The following ZNF701 variants were observed in gnomAD, a reference collection of about 807,000 sequenced individuals.
The protein encoded by ZNF701 is zinc finger protein 701.
In ZNF701, 6 loss-of-function variants were observed where a neutral mutation model predicts 7.1. The ratio of observed to expected loss-of-function variants is 0.84; its 90% CI spans 0.46 to 1.66. ZNF701 has a LOEUF of 1.66. Among genes scored for constraint, ZNF701 ranks in the 40% most tolerant of loss-of-function variants. ZNF701 has a pLI of 0.01. For missense variants in ZNF701, 541 were observed against 559.2 expected (o/e 0.97, Z 0.33); for synonymous variants, 166 against 188.2 (o/e 0.88, Z 0.97).
chr19:52,597,168 C>G, the ZNF701 span: 2,475 of 604,956 alleles, frequency 4.1e-3, 49 homozygotes, highest in African/African-American at 0.04. Flanking sequence ...TGGAGAGAAA[C>G]CTTACAAATA....
chr19:52,583,050 T>A lies in ZNF701; in HGVS notation c.991T>A (p.Cys331Ser), dbSNP rs781689324. 1 of 1,613,674 alleles carries A rather than the reference T, an allele frequency of 6.2e-7. No homozygotes were observed. The highest frequency in any genetic ancestry group is 8.5e-7 in the Non-Finnish European group (1 of 1,179,938). The change falls in exon 4 of 4, where the codon TGT becomes AGT. Residue 331 changes from cysteine (C) to serine (S), a missense_variant. Transcript: ENST00000391785. ...AGAGAAACCTTACAAATGTGAAGAA[T>A]GTGACAAAGTTTTCAGTCGCAAATC... ...TGEKPYKCEE[C>S]DKVFSRKSHL...
rs2059981188 is a variant in ZNF701 at position 52,582,411 on chromosome 19, A to C, written c.352A>C (p.Lys118Gln). Residue 118 changes from lysine (K) to glutamine (Q), a missense_variant, in exon 4 of 4, where the codon AAG becomes CAG. Coordinates refer to ENST00000391785, the MANE Select transcript of ZNF701 (RefSeq NM_018260.3). ...TGAAGCACTCATGACAAAAACCAAA[A>C]AGTTGATGAGTAGTACAGAGCGACA... ...GHEALMTKTK[K>Q]LMSSTERHDQ... is the part of the protein sequence containing the mutation. 6.2e-7 allele frequency: 1 copy of C among 1,613,264 alleles called. No individual in the cohort carries two copies. The highest frequency in any genetic ancestry group is 8.5e-7 in the Non-Finnish European group (1 of 1,179,544).
At position 52,575,126 on chromosome 19, in the gene ZNF701, C is replaced by A. The variant is rs138484363; in HGVS notation, c.16-769C>A. 7.0e-3 allele frequency among the ~76,000 whole-genome samples: 1,072 copies of A among 152,194 alleles called. 19 individuals are homozygous for A. Among genetic ancestry groups the A allele is most frequent in the African/African-American group, 0.025 (1,022 of 41,520 alleles). ...CTGGGACTACAGGCACCCCCCACCACGCCCGGATAATTTTTGTATTTTTTA... is the reference window on the plus strand; with the variant it reads ...CTGGGACTACAGGCACCCCCCACCAAGCCCGGATAATTTTTGTATTTTTTA... On this transcript the variant is annotated intron_variant, in intron 2 of 3. Coordinates refer to ENST00000391785, the MANE Select transcript of ZNF701 (RefSeq NM_018260.3).
intron 1 of ZNF701, chr19:52,570,903 C>T (rs2059893434): frequency 6.6e-6 from 1 of 152,642 alleles, no homozygotes; most frequent in Non-Finnish European, 1.5e-5. Flanking sequence ...TCTTGCCTGC[C>T]TAGCTCCAAC....
In ZNF701 at chr19:52,583,252, T is replaced by G; in HGVS notation, c.1193T>G (p.Val398Gly). Residue 398 changes from valine to glycine, a missense_variant, in exon 4 of 4, where the codon GTA becomes GGA. Val to Gly is a moderately radical substitution (Grantham distance 109). Coordinates refer to ENST00000391785, the MANE Select transcript of ZNF701 (RefSeq NM_018260.3). ...ACCTTTGTTCAAAATTCATCTCTTG[T>G]AATGCATAAGGTCATTCATACTGGA... ...GKTFVQNSSLVMHKVIHTGEK... is the reference protein window; with the variant it reads ...GKTFVQNSSLGMHKVIHTGEK... 1 of 1,610,080 alleles carries G rather than the reference T, an allele frequency of 6.2e-7. No individual in the cohort carries two copies. The highest frequency in any genetic ancestry group is 8.5e-7 in the Non-Finnish European group (1 of 1,177,066).
At chr19:52,596,068 T>G in the ZNF701 span, 1 of 1,261,852 alleles carries the variant, frequency 7.9e-7, no homozygotes, top group African/African-American at 1.5e-5. Context: ...TCCTCTATTC[T>G]TCATTATTCA....
the ZNF701 span, among the ~76,000 whole-genome samples, chr19:52,593,275 G>A: frequency 2.5e-5 from 3 of 118,086 alleles, 1 homozygote; most frequent in Non-Finnish European, 5.5e-5. Flanking sequence ...ATCATGGCCC[G>A]TTCTCAATGA....
chr19:52,583,099 T>C lies in ZNF701; in HGVS notation c.1040T>C (p.Ile347Thr). 6.2e-7 allele frequency: 1 copy of C among 1,613,690 alleles called. No homozygotes were observed. The highest frequency in any genetic ancestry group is 1.7e-4 in the Middle Eastern group (1 of 6,054). ...RKSHLERHRRIHTGEKPYKCK... is the reference protein window; with the variant it reads ...RKSHLERHRRTHTGEKPYKCK... ...TCACACCTTGAAAGACATAGGAGAA[T>C]TCACACTGGAGAGAAACCATACAAA... Residue 347 changes from isoleucine (I) to threonine (T), a missense_variant, in exon 4 of 4, where the codon ATT (isoleucine) becomes ACT (threonine). Coordinates refer to ENST00000391785, the MANE Select transcript of ZNF701 (RefSeq NM_018260.3).
downstream of ZNF701, among the ~76,000 whole-genome samples, chr19:52,589,501 C>T (rs1275245548): frequency 1.5e-5 from 2 of 131,332 alleles, no homozygotes; most frequent in Admixed American, 8.2e-5. Context: ...TCTTTTAAGA[C>T]GGAGTTTTGC....
intron 3 of ZNF701, among the ~76,000 whole-genome samples, chr19:52,578,752 G>A (rs1450145659): frequency 6.6e-6 from 1 of 152,128 alleles, no homozygotes; most frequent in African/African-American, 2.4e-5. Context: ...AACTACGTTA[G>A]CGTCCATTTC....
At chr19:52,575,495 T>C (rs2059928594) in intron 2 of ZNF701, among the ~76,000 whole-genome samples, 1 of 152,036 alleles carries the variant, frequency 6.6e-6, no homozygotes, top group Non-Finnish European at 1.5e-5. Context: ...ATTAATTTTA[T>C]TTTCATGTAT....
the ZNF701 span, among the ~76,000 whole-genome samples, chr19:52,593,025 T>C: frequency 1.6e-4 from 19 of 117,108 alleles, 7 homozygotes; most frequent in African/African-American, 5.3e-4. Context: ...ACAAAGCACA[T>C]CTTGCACCAC....
chr19:52,595,338 C>T, the ZNF701 span, among the ~76,000 whole-genome samples: 3 of 151,370 alleles, frequency 2.0e-5, no homozygotes, highest in Admixed American at 2.0e-4. Context: ...GGCATGATCT[C>T]GCCTCACTGC....
rs779999257 is a variant in ZNF701 at position 52,584,036 on chromosome 19, TCA to T, written c.*582_*583del. On this transcript the variant is annotated 3_prime_UTR_variant, in exon 4 of 4. Coordinates refer to ENST00000391785, the MANE Select transcript of ZNF701 (RefSeq NM_018260.3). The stretch of plus-strand genomic sequence containing the variant: ...GGAGAATTCATACAGGAGAGAAACC[TCA>T]CAAGTGTGATGATTGTGAGCAAAGC... The T allele has an allele frequency of 5.9e-5, 27 of 453,896 alleles. 1 individual carries two copies. The highest frequency in any genetic ancestry group is 3.4e-4 in the Middle Eastern group (1 of 2,936). 28.1% of individuals were successfully genotyped at this position (453,896 alleles called of 1,614,324 possible). A position where few individuals can be genotyped will look rare whatever the true frequency, so the allele number is the denominator to read the frequency against.
At chr19:52,574,259 T>C in intron 2 of ZNF701, 97 bp downstream of exon 2, 1 of 1,553,394 alleles carries the variant, frequency 6.4e-7, no homozygotes, top group East Asian at 2.3e-5. Flanking sequence ...GTGTCCTGCC[T>C]GACAGGTTTG....
At chr19:52,578,186 A>G (rs776133927) in intron 3 of ZNF701, among the ~76,000 whole-genome samples, 61 of 144,632 alleles carry the variant, frequency 4.2e-4, no homozygotes, top group Non-Finnish European at 6.7e-4. Flanking sequence ...CCCGGGAGGC[A>G]GAGCTTGCAG....
downstream of ZNF701, among the ~76,000 whole-genome samples, chr19:52,589,225 C>T (rs1600095252): frequency 6.6e-6 from 1 of 152,234 alleles, no homozygotes; most frequent in East Asian, 1.9e-4. Flanking sequence ...GTGGTCTTAC[C>T]ACCATGTTCT....
chr19:52,596,284 C>G, the ZNF701 span: 1 of 432,360 alleles, frequency 2.3e-6, no homozygotes, highest in Non-Finnish European at 4.5e-6. Context: ...AAAAACCTTA[C>G]AAGTGTAATG....
At position 52,575,626 on chromosome 19, in the gene ZNF701, A is replaced by G. The variant is rs537682177; in HGVS notation, c.16-269A>G. The G allele has an allele frequency of 3.4e-5, 12 of 354,456 alleles. No individual in the cohort carries two copies. In the East Asian group the frequency reaches 8.8e-4, roughly 26 times the overall value. The allele number at this position is 354,456 out of a possible 1,614,324, so 22.0% of individuals were successfully genotyped here. A position where few individuals can be genotyped will look rare whatever the true frequency, so the allele number is the denominator to read the frequency against. The stretch of plus-strand genomic sequence containing the variant: ...GCCGTCCTCCCACCTCAGCCTTCCA[A>G]GTAGTTGGGACAACAGATGCCTGCC... On this transcript the variant is annotated intron_variant, in intron 2 of 3. Transcript: ENST00000391785.
Sources: allele counts gnomAD v4.1 joint callset (sites outside exome capture counted in the v4.1 genomes callset), GRCh38; gene constraint gnomAD v4.1.1; transcripts MANE v1.5; gene names NCBI Gene and HGNC (gene_info 2026-07-23, HGNC 2026-07-21).